Variants in CNTNAP2 observed in about 807,000 individuals in gnomAD.
CNTNAP2 encodes the protein contactin associated protein 2, also known as contactin-associated protein-like 2.
In CNTNAP2, 98 loss-of-function variants were observed where a neutral mutation model predicts 155.2. The observed-to-expected ratio is 0.63, with a 90% CI of 0.54 to 0.75. The LOEUF is 0.75. CNTNAP2 is among the 30% of genes least tolerant of loss of function. The pLI, the probability that CNTNAP2 is intolerant of heterozygous loss-of-function variation, is 0.00. For missense variants in CNTNAP2, 1,727 were observed against 1,688.1 expected (o/e 1.02, Z -0.40); for synonymous variants, 651 against 631.2 (o/e 1.03, Z -0.47).
intron 1 of CNTNAP2, among the ~76,000 whole-genome samples, chr7:146,130,795 G>A (rs1797702333): frequency 6.6e-6 from 1 of 152,180 alleles, no homozygotes; most frequent in African/African-American, 2.4e-5. Context: ...ATGGCAGAAG[G>A]CAAAGGGGAA....
At chr7:147,980,872 A>T (rs7776548) in intron 15 of CNTNAP2, among the ~76,000 whole-genome samples, 3,484 of 140,532 alleles carry the variant, frequency 0.025, 146 homozygotes, top group African/African-American at 0.086. Flanking sequence ...CGGAGCTTGC[A>T]GTGAGCAGAG....
At chr7:146,767,407 C>T (rs576808875) in intron 1 of CNTNAP2, among the ~76,000 whole-genome samples, 3 of 152,198 alleles carry the variant, frequency 2.0e-5, no homozygotes, top group South Asian at 4.2e-4. Flanking sequence ...TGTTTATTTG[C>T]GTGCATATCT....
chr7:147,895,978 G>A (rs560379528), intron 13 of CNTNAP2, among the ~76,000 whole-genome samples: 28 of 152,288 alleles, frequency 1.8e-4, no homozygotes, highest in African/African-American at 6.7e-4. Context: ...TAAGCATTTT[G>A]TGCTGTATTT....
intron 1 of CNTNAP2, among the ~76,000 whole-genome samples, chr7:146,706,791 A>C (rs1800973163): frequency 6.6e-6 from 1 of 152,156 alleles, no homozygotes; most frequent in East Asian, 1.9e-4. Flanking sequence ...GAGCAGGGAG[A>C]GGATCAGGAA....
At chr7:146,528,004 A>G (rs1797715876) in intron 1 of CNTNAP2, among the ~76,000 whole-genome samples, 1 of 152,174 alleles carries the variant, frequency 6.6e-6, no homozygotes, top group Non-Finnish European at 1.5e-5. Context: ...TAAAATGTGA[A>G]TAAATAGAAA....
At chr7:148,258,215 C>T (rs748801022) in intron 20 of CNTNAP2, among the ~76,000 whole-genome samples, 1 of 152,180 alleles carries the variant, frequency 6.6e-6, no homozygotes, top group South Asian at 2.1e-4. Flanking sequence ...TGTTATGCCA[C>T]GCTCCTGGGG....
chr7:146,428,868 A>T lies in CNTNAP2; in HGVS notation c.97+311895A>T, dbSNP rs999941483. On this transcript the variant is annotated intron_variant, in intron 1 of 23. Transcript: ENST00000361727. Reference sequence around the variant, plus strand: ...GGTATTGCCTAGATTTTCTTCTATGACTGTTATAGTTTGGGGTCTTATATT... The same window carrying T: ...GGTATTGCCTAGATTTTCTTCTATGTCTGTTATAGTTTGGGGTCTTATATT... Among the ~76,000 whole-genome samples the T allele has an allele frequency of 5.3e-5, 8 of 151,770 alleles. No homozygotes were observed. The East Asian group carries it at 1.6e-3, about 30-fold the overall frequency.
chr7:147,244,273 C>G (rs1031643529), intron 8 of CNTNAP2, among the ~76,000 whole-genome samples: 2 of 152,192 alleles, frequency 1.3e-5, no homozygotes, highest in African/African-American at 4.8e-5. Flanking sequence ...TTCTGAACAT[C>G]TCCGCTTTAT....
intron 13 of CNTNAP2, among the ~76,000 whole-genome samples, chr7:147,786,531 G>A (rs1236769364): frequency 6.6e-6 from 1 of 152,218 alleles, no homozygotes; most frequent in Non-Finnish European, 1.5e-5. Context: ...GACTGCTGGG[G>A]ATGGCAGAGA....
chr7:146,664,970 G>A (rs573660490), intron 1 of CNTNAP2, among the ~76,000 whole-genome samples: 6 of 152,206 alleles, frequency 3.9e-5, no homozygotes, highest in African/African-American at 1.2e-4. Flanking sequence ...TGTTTTGTTT[G>A]AGATGGAGTC....
intron 8 of CNTNAP2, among the ~76,000 whole-genome samples, chr7:147,252,640 G>A (rs1238850063): frequency 2.0e-5 from 3 of 152,050 alleles, no homozygotes; most frequent in African/African-American, 4.8e-5. Context: ...TTATGCATTG[G>A]GGGGAAGGTG....
chr7:147,551,992 G>T (rs1397879020), intron 11 of CNTNAP2, among the ~76,000 whole-genome samples: 1 of 152,052 alleles, frequency 6.6e-6, no homozygotes, highest in East Asian at 1.9e-4. Flanking sequence ...AGTAAAACTT[G>T]AATATCCCAT....
intron 8 of CNTNAP2, among the ~76,000 whole-genome samples, chr7:147,176,765 A>G (rs1322330925): frequency 8.0e-6 from 1 of 125,510 alleles, no homozygotes; most frequent in Non-Finnish European, 1.6e-5. Flanking sequence ...AATTATAATT[A>G]TATAGAATTA....
intron 1 of CNTNAP2, among the ~76,000 whole-genome samples, chr7:146,633,750 A>C (rs1799547769): frequency 1.4e-5 from 2 of 148,126 alleles, no homozygotes; most frequent in Admixed American, 6.7e-5. Context: ...GAATGGCGTG[A>C]ACCCGGGAGA....
intron 1 of CNTNAP2, among the ~76,000 whole-genome samples, chr7:146,213,589 C>T (rs181676022): frequency 1.3e-5 from 2 of 152,216 alleles, no homozygotes; most frequent in Admixed American, 6.5e-5. Flanking sequence ...AATAATATGA[C>T]TAGAATGACT....
intron 8 of CNTNAP2, among the ~76,000 whole-genome samples, chr7:147,286,334 A>G (rs1279858540): frequency 6.6e-6 from 1 of 152,124 alleles, no homozygotes; most frequent in Non-Finnish European, 1.5e-5. Context: ...TATTCCTAAA[A>G]TGATACAATA....
chr7:147,344,755 G>C (rs1380308960), intron 9 of CNTNAP2, among the ~76,000 whole-genome samples: 3 of 152,018 alleles, frequency 2.0e-5, no homozygotes, highest in Non-Finnish European at 2.9e-5. Flanking sequence ...ATTCTTTGAT[G>C]TTATTACTGT....
intron 3 of CNTNAP2, among the ~76,000 whole-genome samples, chr7:146,864,990 TAAA>T (rs55646482): frequency 2.4e-5 from 2 of 84,026 alleles, no homozygotes; most frequent in East Asian, 3.4e-4. Flanking sequence ...AGAGTCTATC[TAAA>T]AAAAAAAAAA....
intron 1 of CNTNAP2, among the ~76,000 whole-genome samples, chr7:146,173,329 C>G: frequency 6.6e-6 from 1 of 151,842 alleles, no homozygotes; most frequent in East Asian, 1.9e-4. Context: ...TTATATGTAT[C>G]TTGTTTTAAT....
Sources: gnomAD v4.1 joint callset for allele counts (sites outside exome capture counted in the v4.1 genomes callset) on GRCh38, gnomAD v4.1.1 for gene constraint, MANE v1.5 for transcripts, NCBI Gene and HGNC (gene_info 2026-07-23, HGNC 2026-07-21) for gene names.